Variants in CMIP observed in about 807,000 individuals in gnomAD.
CMIP encodes c-Maf inducing protein.
CMIP carries 13 observed loss-of-function variants against 97.3 expected under a neutral mutation model. That is an observed-to-expected ratio of 0.13 (90% CI 0.09 to 0.21). The LOEUF (loss-of-function observed/expected upper bound fraction) is 0.21. Ranked by LOEUF, CMIP falls within the 10% of genes least tolerant of loss-of-function variation. The probability of loss-of-function intolerance (pLI) is 1.00; values close to 1 mark genes in which losing one functional copy is unlikely to be tolerated. For synonymous variants in CMIP, 538 were observed against 436.3 expected, an observed-to-expected ratio of 1.23 and a Z score of -2.91; for missense variants, 847 against 1,024.9, an observed-to-expected ratio of 0.83 and a Z score of 2.37.
intron 1 of CMIP, among the ~76,000 whole-genome samples, chr16:81,517,462 G>A (rs1305868865): frequency 6.6e-6 from 1 of 152,162 alleles, no homozygotes; most frequent in Non-Finnish European, 1.5e-5. Context: ...ATAACACAAA[G>A]GTATTTTTTA....
intron 1 of CMIP, among the ~76,000 whole-genome samples, chr16:81,533,555 T>C (rs2090282771): frequency 1.3e-5 from 2 of 152,254 alleles, no homozygotes; most frequent in Admixed American, 1.3e-4. Flanking sequence ...CTTGGCTCAC[T>C]GCAGCCTCCG....
At chr16:81,613,359 T>C (rs776648972) in intron 2 of CMIP, among the ~76,000 whole-genome samples, 2 of 152,136 alleles carry the variant, frequency 1.3e-5, no homozygotes, top group South Asian at 2.1e-4. Context: ...CAGGGCTGGA[T>C]TGCAGGGAGG....
At chr16:81,553,529 G>A (rs1401657292) in intron 1 of CMIP, among the ~76,000 whole-genome samples, 1 of 152,150 alleles carries the variant, frequency 6.6e-6, no homozygotes, top group Admixed American at 6.5e-5. Context: ...CTGTCCCGGC[G>A]CCAGCTTCGA....
At chr16:81,683,762 T>C (rs1474279968) in intron 10 of CMIP, among the ~76,000 whole-genome samples, 25 of 130,514 alleles carry the variant, frequency 1.9e-4, no homozygotes, top group African/African-American at 4.3e-4. Context: ...TTTTCTTTTT[T>C]TTTTTTTTTT....
At chr16:81,563,689 T>C (rs1017335548) in intron 1 of CMIP, among the ~76,000 whole-genome samples, 1 of 152,224 alleles carries the variant, frequency 6.6e-6, no homozygotes, top group Non-Finnish European at 1.5e-5. Context: ...GTTCTCTTAT[T>C]ATCATGAGCT....
At chr16:81,685,721 T>TC (rs951335116) in intron 10 of CMIP, among the ~76,000 whole-genome samples, 2 of 151,566 alleles carry the variant, frequency 1.3e-5, no homozygotes, top group South Asian at 2.1e-4. Flanking sequence ...CTTTTTTTTT[T>TC]TTTTTTTAAC....
At position 81,652,284 on chromosome 16, in the gene CMIP, G is replaced by T. The variant is rs760097009; in HGVS notation, c.559G>T (p.Asp187Tyr). ...CTTGAAAGAGATCCGGACCCTGGTG[G>T]ACATGGCCCTGACATCCCCCCTGCA... ...VVLKEIRTLVDMALTSPLQDD... is the reference protein window; with the variant it reads ...VVLKEIRTLVYMALTSPLQDD... The change falls in exon 4 of 21, where the codon GAC becomes TAC. Residue 187 changes from aspartate (D) to tyrosine (Y), a missense_variant. Coordinates refer to ENST00000537098, the MANE Select transcript of CMIP (RefSeq NM_198390.3). The surrounding 1 kb of genome is among the most constrained non-coding windows in gnomAD (Gnocchi z 5.2). 1.2e-6 allele frequency: 2 copies of T among 1,613,820 alleles called. No individual in the cohort carries two copies. Among genetic ancestry groups the T allele is most frequent in the Non-Finnish European group, 8.5e-7 (1 of 1,179,718 alleles).
intron 10 of CMIP, among the ~76,000 whole-genome samples, chr16:81,684,030 G>C (rs1905145230): frequency 6.6e-6 from 1 of 151,884 alleles, no homozygotes; most frequent in African/African-American, 2.4e-5. Flanking sequence ...CAAAGTGCTA[G>C]GATTACAGGC....
chr16:81,571,954 C>T (rs7198940), intron 1 of CMIP, among the ~76,000 whole-genome samples: 59,458 of 152,160 alleles, frequency 0.39, 13,838 homozygotes, highest in Non-Finnish European at 0.52. Flanking sequence ...TGCCCTCAGC[C>T]TTCAGCCTCA....
chr16:81,549,074 G>T (rs1342512462), intron 1 of CMIP, among the ~76,000 whole-genome samples: 2 of 152,220 alleles, frequency 1.3e-5, no homozygotes, highest in Non-Finnish European at 2.9e-5. Flanking sequence ...GGCTTAGGTG[G>T]AAAGGGCGTG....
chr16:81,624,682 A>G (rs921250758), intron 3 of CMIP, among the ~76,000 whole-genome samples: 6 of 152,204 alleles, frequency 3.9e-5, no homozygotes, highest in Admixed American at 1.3e-4. Context: ...GCTCGACCCT[A>G]TTCAATGAAA....
chr16:81,650,430 A>G (rs1015930218), intron 3 of CMIP, among the ~76,000 whole-genome samples: 2 of 152,154 alleles, frequency 1.3e-5, no homozygotes, highest in Non-Finnish European at 2.9e-5. Flanking sequence ...GAGAAGGAGA[A>G]AGAAGGAGCA....
At chr16:81,563,570 C>T (rs1017888303) in intron 1 of CMIP, among the ~76,000 whole-genome samples, 1 of 152,216 alleles carries the variant, frequency 6.6e-6, no homozygotes, top group East Asian at 1.9e-4. Flanking sequence ...CCAGGCGATA[C>T]ATGTGCACAT....
intron 3 of CMIP, among the ~76,000 whole-genome samples, chr16:81,650,338 G>A (rs1046435726): frequency 9.2e-5 from 14 of 152,284 alleles, no homozygotes; most frequent in African/African-American, 3.4e-4. Context: ...GATGTGCAAT[G>A]GGTGAATGGG....
intron 3 of CMIP, chr16:81,651,381 C>G (rs1210019087): frequency 2.1e-6 from 2 of 972,206 alleles, no homozygotes; most frequent in Admixed American, 6.2e-5. Flanking sequence ...GAGGCAGCAG[C>G]CCCTGTCCCA....
intron 1 of CMIP, among the ~76,000 whole-genome samples, chr16:81,569,209 G>A (rs2091039221): frequency 6.6e-6 from 1 of 152,176 alleles, no homozygotes; most frequent in African/African-American, 2.4e-5. Context: ...GAGAATATCT[G>A]TAGTGACAGC....
At chr16:81,672,985 G>A (rs935438112) in intron 9 of CMIP, among the ~76,000 whole-genome samples, 1 of 152,192 alleles carries the variant, frequency 6.6e-6, no homozygotes, top group African/African-American at 2.4e-5. Context: ...AAGAGATCAT[G>A]TACAAGTAAA....
At chr16:81,518,360 C>A (rs146792809) in intron 1 of CMIP, 4 of 152,370 alleles carry the variant, frequency 2.6e-5, no homozygotes, top group African/African-American at 9.6e-5. Flanking sequence ...TTAACAGTGG[C>A]CACCACTTCA....
intron 16 of CMIP, among the ~76,000 whole-genome samples, chr16:81,702,204 C>T (rs1450725455): frequency 6.6e-6 from 1 of 152,176 alleles, no homozygotes; most frequent in Non-Finnish European, 1.5e-5. Context: ...TTCTGATCTC[C>T]TGGAGCAGCC....
Sources: allele counts gnomAD v4.1 joint callset (sites outside exome capture counted in the v4.1 genomes callset), GRCh38; gene constraint gnomAD v4.1.1; non-coding constraint Gnocchi (gnomAD v3.1); transcripts MANE v1.5; gene names NCBI Gene and HGNC (gene_info 2026-07-23, HGNC 2026-07-21).